SDK1: variants seen among roughly 807,000 people sequenced by gnomAD.
SDK1 encodes protein sidekick-1.
Under a neutral mutation model 245.5 loss-of-function variants are expected in SDK1, and 157 were observed. The ratio of observed to expected loss-of-function variants is 0.64; its 90% CI spans 0.56 to 0.73. The LOEUF is 0.73. SDK1 is among the 30% of genes least tolerant of loss of function. SDK1 has a pLI of 0.00. For synonymous variants in SDK1, 1,647 were observed against 1,278.5 expected, an observed-to-expected ratio of 1.29 and a Z score of -6.15; for missense variants, 3,583 against 3,002.3, an observed-to-expected ratio of 1.19 and a Z score of -4.52.
At chr7:4,213,701 TC>T (rs1784629508) in intron 38 of SDK1, among the ~76,000 whole-genome samples, 1 of 152,070 alleles carries the variant, frequency 6.6e-6, no homozygotes, top group Non-Finnish European at 1.5e-5. Flanking sequence ...GCAGTTTCAC[TC>T]CCCTAGAATT....
In SDK1 at chr7:4,265,946, G is replaced by C; in HGVS notation, c.*562G>C. The C allele has an allele frequency of 2.0e-6, 2 of 985,708 alleles. No homozygotes were observed. The highest frequency in any genetic ancestry group is 1.2e-6 in the Non-Finnish European group (1 of 830,126). The allele number at this position is 985,708 out of a possible 1,614,324, so 61.1% of individuals were successfully genotyped here. Reference sequence around the variant, plus strand: ...TCTGTTTCTGAAATGTTCTCACTTGGCAGTGTCTAGTCAAGGAGTCGGCTT... The same window carrying C: ...TCTGTTTCTGAAATGTTCTCACTTGCCAGTGTCTAGTCAAGGAGTCGGCTT... On this transcript the variant is annotated 3_prime_UTR_variant, in exon 45 of 45. Transcript: ENST00000404826.
intron 4 of SDK1, among the ~76,000 whole-genome samples, chr7:3,756,706 T>C (rs1230749958): frequency 1.3e-5 from 2 of 152,210 alleles, no homozygotes; most frequent in Non-Finnish European, 2.9e-5. Context: ...TTTTACTCTT[T>C]CTGTACTGTC....
intron 1 of SDK1, among the ~76,000 whole-genome samples, chr7:3,594,012 CAT>C (rs1377211439): frequency 2.0e-5 from 3 of 152,128 alleles, no homozygotes; most frequent in Non-Finnish European, 4.4e-5. Context: ...TGATTTTTAA[CAT>C]GTTTAGGGAG....
chr7:4,095,019 C>T (rs1282928760), intron 22 of SDK1, among the ~76,000 whole-genome samples: 1 of 152,238 alleles, frequency 6.6e-6, no homozygotes, highest in African/African-American at 2.4e-5. Flanking sequence ...AGAACGTTAG[C>T]TCTGGCCTGA....
chr7:4,035,091 G>T (rs1478479772), intron 17 of SDK1, among the ~76,000 whole-genome samples: 1 of 152,072 alleles, frequency 6.6e-6, no homozygotes, highest in Non-Finnish European at 1.5e-5. Context: ...CAATTCTCCT[G>T]CCTTAGCCTC....
intron 1 of SDK1, among the ~76,000 whole-genome samples, chr7:3,441,301 G>A (rs1451575313): frequency 6.6e-6 from 1 of 152,042 alleles, no homozygotes; most frequent in Admixed American, 6.6e-5. Flanking sequence ...CTGGTTTCAG[G>A]CATTGACTGG....
intron 20 of SDK1, among the ~76,000 whole-genome samples, chr7:4,070,500 C>G (rs926899883): frequency 6.6e-6 from 1 of 152,150 alleles, no homozygotes; most frequent in Non-Finnish European, 1.5e-5. Flanking sequence ...CTGCAGCATC[C>G]CAGGTGCCCT....
At chr7:3,653,142 G>A (rs909710497) in intron 4 of SDK1, among the ~76,000 whole-genome samples, 7 of 152,286 alleles carry the variant, frequency 4.6e-5, no homozygotes, top group East Asian at 1.9e-4. Flanking sequence ...GGGAATCAGC[G>A]AATGCTTGAG....
Position 4,217,396 on chromosome 7 carries a change from C to T in SDK1, c.5540-2713C>T, listed in dbSNP as rs547966461. 3.5e-3 allele frequency among the ~76,000 whole-genome samples: 497 copies of T among 141,806 alleles called. 2 individuals are homozygous for T. Among genetic ancestry groups the T allele is most frequent in the African/African-American group, 0.013 (466 of 35,888 alleles). 93.0% of individuals were successfully genotyped at this position (141,806 alleles called of 152,430 possible). A position where few individuals can be genotyped will look rare whatever the true frequency, so the allele number is the denominator to read the frequency against. On this transcript the variant is annotated intron_variant, in intron 38 of 44. Transcript: ENST00000404826. ...GCACCAGGCCACCCGGAGCACCACA[C>T]CACCCGGAGCACCAGGCCACCCGGA...
In SDK1 at chr7:3,476,705, C is replaced by T. The variant is rs190017367; in HGVS notation, c.299-142375C>T. On this transcript the variant is annotated intron_variant, in intron 1 of 44. Coordinates refer to ENST00000404826, the MANE Select transcript of SDK1 (RefSeq NM_152744.4). ...ACTTTGTAGTGAACTTTTCCAACCT[C>T]GAATTTTTTCCTCTGTAACCGTTCA... 3.9e-5 allele frequency among the ~76,000 whole-genome samples: 6 copies of T among 152,262 alleles called. No homozygotes were observed. The East Asian group carries it at 5.8e-4, about 15-fold the overall frequency.
At chr7:3,605,130 A>G (rs1310687478) in intron 1 of SDK1, among the ~76,000 whole-genome samples, 1 of 126,350 alleles carries the variant, frequency 7.9e-6, no homozygotes, top group African/African-American at 2.9e-5. Context: ...GCACTTGAGG[A>G]AAAAAAAAAC....
intron 1 of SDK1, among the ~76,000 whole-genome samples, chr7:3,538,312 G>A (rs764748362): frequency 5.3e-5 from 8 of 151,930 alleles, no homozygotes; most frequent in Non-Finnish European, 7.4e-5. Flanking sequence ...CTTTTCTTGT[G>A]TTTCCACCTT....
intron 5 of SDK1, among the ~76,000 whole-genome samples, chr7:3,838,488 C>T (rs968039874): frequency 6.6e-6 from 1 of 152,328 alleles, no homozygotes; most frequent in East Asian, 1.9e-4. Context: ...AAGGGGAGCA[C>T]AAGGCTGGAG....
At chr7:3,321,024 T>C (rs1400718392) in intron 1 of SDK1, among the ~76,000 whole-genome samples, 1 of 152,206 alleles carries the variant, frequency 6.6e-6, no homozygotes, top group Non-Finnish European at 1.5e-5. Flanking sequence ...TTCTGAAATT[T>C]AACTTCTGCT....
At chr7:4,197,018 A>T (rs1163992961) in intron 35 of SDK1, among the ~76,000 whole-genome samples, 8 of 152,200 alleles carry the variant, frequency 5.3e-5, no homozygotes, top group African/African-American at 1.7e-4. Flanking sequence ...TTAACTTTTC[A>T]TCTTATTAAA....
At chr7:3,363,523 T>G (rs1781008495) in intron 1 of SDK1, among the ~76,000 whole-genome samples, 1 of 152,206 alleles carries the variant, frequency 6.6e-6, no homozygotes, top group African/African-American at 2.4e-5. Flanking sequence ...GTTTGTTGTT[T>G]AAGACAGCGG....
intron 5 of SDK1, among the ~76,000 whole-genome samples, chr7:3,839,509 T>C (rs985157710): frequency 6.6e-6 from 1 of 152,204 alleles, no homozygotes; most frequent in Non-Finnish European, 1.5e-5. Context: ...TTGTTAAAAC[T>C]GTTAAAACTC....
chr7:3,758,311 C>G (rs1775292475), intron 4 of SDK1, among the ~76,000 whole-genome samples: 1 of 152,152 alleles, frequency 6.6e-6, no homozygotes, highest in African/African-American at 2.4e-5. Context: ...TTTCTCATTT[C>G]CCTCATTCTT....
At chr7:3,739,010 C>T (rs569114756) in intron 4 of SDK1, among the ~76,000 whole-genome samples, 2 of 151,266 alleles carry the variant, frequency 1.3e-5, no homozygotes, top group Non-Finnish European at 3.0e-5. Context: ...TATATAAGAT[C>T]GTTTATCTAA....
Sources: gnomAD v4.1 joint callset for allele counts (sites outside exome capture counted in the v4.1 genomes callset) on GRCh38, gnomAD v4.1.1 for gene constraint, MANE v1.5 for transcripts, NCBI Gene and HGNC (gene_info 2026-07-23, HGNC 2026-07-21) for gene names.